The following RORA variants were observed in gnomAD, a reference collection of about 807,000 sequenced individuals.
The protein encoded by RORA is nuclear receptor ROR-alpha.
RORA carries 7 observed loss-of-function variants against 69.5 expected under a neutral mutation model. The ratio of observed to expected loss-of-function variants is 0.10; its 90% CI spans 0.06 to 0.19. RORA has a LOEUF of 0.19. Among genes scored for constraint, RORA ranks in the 10% least tolerant of loss-of-function variants. The probability of loss-of-function intolerance (pLI) is 1.00; values close to 1 mark genes in which losing one functional copy is unlikely to be tolerated. For missense variants in RORA, 457 were observed against 663.0 expected (o/e 0.69, Z 3.41); for synonymous variants, 261 against 240.8 (o/e 1.08, Z -0.78).
At chr15:60,639,437 G>A (rs1358599786) in intron 2 of RORA, among the ~76,000 whole-genome samples, 3 of 151,476 alleles carry the variant, frequency 2.0e-5, no homozygotes, top group Middle Eastern at 3.4e-3. Flanking sequence ...GGTGTGGGAG[G>A]AGCGTTTGGC....
chr15:60,822,014 C>T (rs956474776), intron 1 of RORA, among the ~76,000 whole-genome samples: 16 of 65,472 alleles, frequency 2.4e-4, no homozygotes, highest in Admixed American at 6.6e-4. Context: ...CACAGAAGCA[C>T]GGAATTTTAG....
At chr15:61,099,089 A>C (rs1262499731) in intron 1 of RORA, among the ~76,000 whole-genome samples, 1 of 152,236 alleles carries the variant, frequency 6.6e-6, no homozygotes, top group Non-Finnish European at 1.5e-5. Context: ...ATTAGCTGAA[A>C]TATCTGTGGG....
At chr15:60,566,204 A>G (rs1303544322) in intron 2 of RORA, among the ~76,000 whole-genome samples, 1 of 152,236 alleles carries the variant, frequency 6.6e-6, no homozygotes, top group Non-Finnish European at 1.5e-5. Context: ...TATTTTATAC[A>G]TCTAAGTATA....
chr15:61,019,782 G>T (rs961289483), intron 1 of RORA, among the ~76,000 whole-genome samples: 2 of 152,142 alleles, frequency 1.3e-5, no homozygotes, highest in African/African-American at 4.8e-5. Flanking sequence ...CCTCCTGATG[G>T]GGTTCCTGAT....
At chr15:60,634,307 G>T (rs758481681) in intron 2 of RORA, among the ~76,000 whole-genome samples, 2 of 152,042 alleles carry the variant, frequency 1.3e-5, no homozygotes, top group African/African-American at 2.4e-5. Context: ...CTTTCCCACA[G>T]TCCTCTGTCC....
rs931561556 is a variant in RORA, at chr15:60,495,118, A to G, written c.*2337T>C. The G allele has an allele frequency of 2.6e-5, 4 of 152,250 alleles. No homozygotes were observed. Among genetic ancestry groups the G allele is most frequent in the Non-Finnish European group, 5.9e-5 (4 of 68,052 alleles). The allele number at this position is 152,250 out of a possible 1,614,324, so 9.4% of individuals were successfully genotyped here. A position where few individuals can be genotyped will look rare whatever the true frequency, so the allele number is the denominator to read the frequency against. On this transcript the variant is annotated 3_prime_UTR_variant, in exon 11 of 11. Transcript: ENST00000335670. ...ACAAAACCAAAACCAAAAAACTAAA[A>G]CACAAAACTCAAACAAAAACAAAAC...
intron 1 of RORA, among the ~76,000 whole-genome samples, chr15:60,853,084 C>A (rs928168062): frequency 1.3e-5 from 2 of 152,326 alleles, no homozygotes; most frequent in Non-Finnish European, 1.5e-5. Flanking sequence ...CAGACACAAT[C>A]TCTCTGCTCA....
At chr15:60,614,005 A>G (rs917757735) in intron 2 of RORA, among the ~76,000 whole-genome samples, 1 of 152,142 alleles carries the variant, frequency 6.6e-6, no homozygotes, top group African/African-American at 2.4e-5. Context: ...TGAAAATGAC[A>G]TACATATATG....
chr15:61,191,365 C>CAAAAAA (rs55815707), intron 1 of RORA, among the ~76,000 whole-genome samples: 1 of 136,586 alleles, frequency 7.3e-6, no homozygotes, highest in African/African-American at 2.7e-5. Flanking sequence ...CTCCTTGTAG[C>CAAAAAA]AAAAAAAAAA....
intron 1 of RORA, among the ~76,000 whole-genome samples, chr15:60,964,256 T>A (rs538254449): frequency 2.6e-5 from 4 of 152,232 alleles, no homozygotes. Context: ...GGCATTAATA[T>A]GCCTATCTGT....
rs199580595 is a variant in RORA, at chr15:60,497,339, T to G, written c.*116A>C. 1.3e-6 allele frequency: 1 copy of G among 763,290 alleles called. No individual in the cohort carries two copies. Among genetic ancestry groups the G allele is most frequent in the Non-Finnish European group, 2.1e-6 (1 of 475,428 alleles). The allele number at this position is 763,290 out of a possible 1,614,324, so 47.3% of individuals were successfully genotyped here. A position where few individuals can be genotyped will look rare whatever the true frequency, so the allele number is the denominator to read the frequency against. On this transcript the variant is annotated 3_prime_UTR_variant, in exon 11 of 11. Coordinates refer to ENST00000335670, the MANE Select transcript of RORA (RefSeq NM_134261.3). The stretch of plus-strand genomic sequence containing the variant: ...GCCTGACCCCGATCACCAAAAGATG[T>G]GCAGTGTGTGGCGCTCCAGGTCTGT...
chr15:60,668,465 G>C (rs547778323), intron 2 of RORA, among the ~76,000 whole-genome samples: 10 of 152,306 alleles, frequency 6.6e-5, no homozygotes, highest in South Asian at 6.2e-4. Context: ...TTAACAAAGA[G>C]AGGGAATACT....
At chr15:60,812,262 G>A (rs531862345) in intron 1 of RORA, among the ~76,000 whole-genome samples, 18 of 152,310 alleles carry the variant, frequency 1.2e-4, no homozygotes, top group South Asian at 1.0e-3. Context: ...CCATTACTTT[G>A]GGAGGATGAG....
chr15:60,926,141 A>G (rs930135624), intron 1 of RORA, among the ~76,000 whole-genome samples: 1 of 152,228 alleles, frequency 6.6e-6, no homozygotes, highest in African/African-American at 2.4e-5. Flanking sequence ...ACAGGTATAC[A>G]TCTATGGTTT....
intron 2 of RORA, among the ~76,000 whole-genome samples, chr15:60,544,622 T>C (rs1239471969): frequency 6.6e-6 from 1 of 151,956 alleles, no homozygotes; most frequent in Admixed American, 6.6e-5. Context: ...AAAATAAAAG[T>C]TTTTTTTCCC....
At chr15:61,166,859 G>A (rs1473575384) in intron 1 of RORA, among the ~76,000 whole-genome samples, 1 of 152,044 alleles carries the variant, frequency 6.6e-6, no homozygotes, top group Non-Finnish European at 1.5e-5. Flanking sequence ...TGGTAATAAA[G>A]ACTCCATTCT....
Position 60,681,356 on chromosome 15 carries a change from C to T in RORA, c.167-2670G>A, listed in dbSNP as rs530804201. On this transcript the variant is annotated intron_variant, in intron 1 of 10. Transcript: ENST00000335670. ...AGAGTAAATACTCAAAAAAGTTTTA[C>T]TCCTTGGAGCATACCACTCAGCAGT... 4.6e-5 allele frequency among the ~76,000 whole-genome samples: 7 copies of T among 152,272 alleles called. No individual in the cohort carries two copies. The South Asian group carries it at 1.4e-3, about 32-fold the overall frequency.
rs147880833 is a variant in RORA at position 60,722,676 on chromosome 15, G to A, written c.167-43990C>T. On this transcript the variant is annotated intron_variant, in intron 1 of 10. Transcript: ENST00000335670. ...TTCTTGTTGCCCTGATCTGTGCTCC[G>A]TGCCAGATCTCACAAACAAGGCTGG... Among the ~76,000 whole-genome samples the A allele has an allele frequency of 2.8e-4, 43 of 152,232 alleles. No homozygotes were observed. In the East Asian group the frequency reaches 4.8e-3, roughly 17 times the overall value.
intron 1 of RORA, among the ~76,000 whole-genome samples, chr15:61,185,002 A>AG (rs1455094099): frequency 1.5e-4 from 22 of 150,900 alleles, no homozygotes; most frequent in African/African-American, 4.9e-4. Flanking sequence ...AAAAAAAAAA[A>AG]AAGAAGAAGA....
Sources: gnomAD v4.1 joint callset for allele counts (sites outside exome capture counted in the v4.1 genomes callset) on GRCh38, gnomAD v4.1.1 for gene constraint, MANE v1.5 for transcripts, NCBI Gene and HGNC (gene_info 2026-07-23, HGNC 2026-07-21) for gene names.